RBFOX3: variants seen among roughly 807,000 people sequenced by gnomAD.
RBFOX3 encodes RNA binding protein fox-1 homolog 3.
Under a neutral mutation model 48.7 loss-of-function variants are expected in RBFOX3, and 17 were observed. That is an observed-to-expected ratio of 0.35 (90% CI 0.24 to 0.52). The LOEUF is 0.52. Among genes scored for constraint, RBFOX3 ranks in the 20% least tolerant of loss-of-function variants. The pLI is 0.94. For missense variants in RBFOX3, 382 were observed against 497.5 expected (o/e 0.77, Z 2.21); for synonymous variants, 212 against 209.5 (o/e 1.01, Z -0.10).
the RBFOX3 span, among the ~76,000 whole-genome samples, chr17:79,629,246 C>T: frequency 6.6e-6 from 1 of 152,092 alleles, no homozygotes; most frequent in Admixed American, 6.6e-5. Flanking sequence ...AAATATTGTC[C>T]TCCAAATTTC....
chr17:79,469,390 C>T (rs1266672344), intron 2 of RBFOX3, among the ~76,000 whole-genome samples: 1 of 152,204 alleles, frequency 6.6e-6, no homozygotes, highest in Non-Finnish European at 1.5e-5. Flanking sequence ...CACCAGGGAC[C>T]AGACCTGACC....
chr17:79,186,265 A>G (rs1387344334), intron 4 of RBFOX3, among the ~76,000 whole-genome samples: 2 of 152,246 alleles, frequency 1.3e-5, no homozygotes, highest in South Asian at 2.1e-4. Context: ...AATGAAAATA[A>G]TACCTCCAGA....
upstream of RBFOX3, among the ~76,000 whole-genome samples, chr17:79,614,347 C>T (rs1599295570): frequency 6.6e-6 from 1 of 152,246 alleles, no homozygotes; most frequent in East Asian, 1.9e-4. Context: ...CCTCCACCCT[C>T]CTGGCAGGAG....
chr17:79,176,915 G>A (rs1263316561), intron 4 of RBFOX3, among the ~76,000 whole-genome samples: 1 of 152,222 alleles, frequency 6.6e-6, no homozygotes, highest in Non-Finnish European at 1.5e-5. Context: ...CTCCGAGACA[G>A]GTGCTCCAGA....
chr17:79,635,302 G>T, the RBFOX3 span, among the ~76,000 whole-genome samples: 1 of 152,044 alleles, frequency 6.6e-6, no homozygotes, highest in Non-Finnish European at 1.5e-5. Flanking sequence ...CTGGCACCTG[G>T]AACCATCTGC....
intron 3 of RBFOX3, among the ~76,000 whole-genome samples, chr17:79,284,591 G>A (rs911468356): frequency 2.8e-5 from 4 of 144,750 alleles, no homozygotes; most frequent in Non-Finnish European, 3.0e-5. Context: ...GCAGGCTAGA[G>A]TGTAGTGGCT....
In RBFOX3 at chr17:79,284,284, C is replaced by T. The variant is rs573653866; in HGVS notation, c.-74+23440G>A. ...TGCTGAAGAGAATTATTTATGAAGT[C>T]TCTGAACCACTTGGGGTTCAGAAAA... On this transcript the variant is annotated intron_variant, in intron 3 of 14. Coordinates refer to ENST00000693108, the MANE Select transcript of RBFOX3 (RefSeq NM_001350451.2). Among the ~76,000 whole-genome samples, 7 of 152,218 alleles carry T rather than the reference C, an allele frequency of 4.6e-5. No individual in the cohort carries two copies. In the East Asian group the frequency reaches 1.3e-3, roughly 29 times the overall value.
chr17:79,289,052 C>G (rs1331551938), intron 3 of RBFOX3, among the ~76,000 whole-genome samples: 1 of 152,088 alleles, frequency 6.6e-6, no homozygotes, highest in African/African-American at 2.4e-5. Context: ...CAGCTGTCCT[C>G]CTGTCATTAT....
intron 3 of RBFOX3, among the ~76,000 whole-genome samples, chr17:79,272,901 C>T (rs986639804): frequency 4.8e-5 from 6 of 125,806 alleles, no homozygotes; most frequent in African/African-American, 1.8e-4. Flanking sequence ...TCTGCTTGCC[C>T]CGTGTCCCCA....
At chr17:79,265,826 G>A (rs1600299318) in intron 3 of RBFOX3, among the ~76,000 whole-genome samples, 1 of 152,280 alleles carries the variant, frequency 6.6e-6, no homozygotes, top group Non-Finnish European at 1.5e-5. Context: ...GCCAACTCTG[G>A]GCAGGTCGTG....
At position 79,391,222 on chromosome 17, in the gene RBFOX3, CT is replaced by C. The variant is rs151141450; in HGVS notation, c.-174-83399del. Among the ~76,000 whole-genome samples, 1,228 of 152,200 alleles carry C rather than the reference CT, an allele frequency of 8.1e-3. 1 individual carries two copies. Among genetic ancestry groups the C allele is most frequent in the Middle Eastern group, 0.02 (6 of 294 alleles). Reference sequence around the variant, plus strand: ...TCTTCAACCGTCAGCGACTTCCCCACTGCTTGCAGGATGAAATCCAAATTCC... The same window carrying C: ...TCTTCAACCGTCAGCGACTTCCCCACGCTTGCAGGATGAAATCCAAATTCC... On this transcript the variant is annotated intron_variant, in intron 2 of 14. Transcript: ENST00000693108. The surrounding 1 kb of genome is among the most constrained non-coding windows in gnomAD (Gnocchi z 5.0).
At chr17:79,339,530 G>C (rs1404663884) in intron 2 of RBFOX3, among the ~76,000 whole-genome samples, 2 of 152,232 alleles carry the variant, frequency 1.3e-5, no homozygotes, top group Non-Finnish European at 2.9e-5. Flanking sequence ...GGGAGGGAAG[G>C]AGGAAGTGGT....
intron 2 of RBFOX3, among the ~76,000 whole-genome samples, chr17:79,445,125 A>T (rs2071970652): frequency 6.6e-6 from 1 of 151,866 alleles, no homozygotes; most frequent in South Asian, 2.1e-4. Context: ...GCAGGGACAG[A>T]CTCCATTTTG....
chr17:79,127,344 A>T (rs2707045), intron 4 of RBFOX3, among the ~76,000 whole-genome samples: 1 of 151,642 alleles, frequency 6.6e-6, no homozygotes. Flanking sequence ...GAGATAACGC[A>T]TCAACAGGAA....
intron 5 of RBFOX3, among the ~76,000 whole-genome samples, chr17:79,112,187 C>T (rs2146877805): frequency 6.6e-6 from 1 of 152,232 alleles, no homozygotes; most frequent in Non-Finnish European, 1.5e-5. Flanking sequence ...CGGGACCCAC[C>T]CGAGGGTATC....
rs200806721 is a variant in RBFOX3, at chr17:79,326,122, CTT to C, written c.-174-18300_-174-18299del. ...CAATTACATACTTCTGGGGCGGTTT[CTT>C]CCAGAGCATCACTGTCTGTGGCATT... On this transcript the variant is annotated intron_variant, in intron 2 of 14. Transcript: ENST00000693108. Among the ~76,000 whole-genome samples, 691 of 152,302 alleles carry C rather than the reference CTT, an allele frequency of 4.5e-3. 3 individuals carry two copies. Among genetic ancestry groups the C allele is most frequent in the East Asian group, 0.024 (123 of 5,178 alleles).
intron 4 of RBFOX3, among the ~76,000 whole-genome samples, chr17:79,146,261 C>T (rs1008808153): frequency 6.6e-6 from 1 of 152,162 alleles, no homozygotes; most frequent in African/African-American, 2.4e-5. Context: ...GCATCGAATG[C>T]AGGGAGGCCA....
At chr17:79,292,319 G>T (rs9907380) in intron 3 of RBFOX3, among the ~76,000 whole-genome samples, 57,878 of 151,314 alleles carry the variant, frequency 0.38, 11,396 homozygotes, top group Middle Eastern at 0.48. Flanking sequence ...TCAGGACCCC[G>T]CATGCCTCCA....
intron 9 of RBFOX3, chr17:79,099,981 C>T (rs546485893): frequency 1.1e-4 from 17 of 152,354 alleles, no homozygotes; most frequent in African/African-American, 3.4e-4. Context: ...AACCCAGGGC[C>T]GTCCCACTGC....
Sources: gnomAD v4.1 joint callset for allele counts (sites outside exome capture counted in the v4.1 genomes callset) on GRCh38, gnomAD v4.1.1 for gene constraint, Gnocchi (gnomAD v3.1) non-coding constraint, MANE v1.5 for transcripts, NCBI Gene and HGNC (gene_info 2026-07-23, HGNC 2026-07-21) for gene names.